LPP: variants seen among roughly 807,000 people sequenced by gnomAD.
The protein encoded by LPP is lipoma-preferred partner.
LPP carries 38 observed loss-of-function variants against 60.4 expected under a neutral mutation model. The ratio of observed to expected loss-of-function variants is 0.63; its 90% confidence interval spans 0.49 to 0.83. The LOEUF is 0.83. Among genes scored for constraint, LPP ranks in the 40% least tolerant of loss-of-function variants. The probability of loss-of-function intolerance (pLI) is 0.00; values close to 1 mark genes in which losing one functional copy is unlikely to be tolerated. For synonymous variants in LPP, 328 were observed against 290.8 expected, an observed-to-expected ratio of 1.13 and a Z score of -1.30; for missense variants, 902 against 783.6, an observed-to-expected ratio of 1.15 and a Z score of -1.80.
intron 9 of LPP, among the ~76,000 whole-genome samples, chr3:188,853,188 T>C (rs886658077): frequency 2.6e-5 from 4 of 152,032 alleles, no homozygotes; most frequent in African/African-American, 9.7e-5. Context: ...TCAGGCAGCA[T>C]CACTGCTATG....
intron 7 of LPP, among the ~76,000 whole-genome samples, chr3:188,652,589 G>A (rs1852317724): frequency 6.6e-6 from 1 of 152,132 alleles, no homozygotes; most frequent in Admixed American, 6.5e-5. Flanking sequence ...TCTAAATTCT[G>A]GGGAATATCT....
chr3:188,283,872 G>T (rs570210061), intron 2 of LPP, among the ~76,000 whole-genome samples: 1 of 152,064 alleles, frequency 6.6e-6, no homozygotes, highest in Non-Finnish European at 1.5e-5. Context: ...AGCTACTCAG[G>T]AGGCTGAGGC....
intron 2 of LPP, among the ~76,000 whole-genome samples, chr3:188,326,845 G>A (rs1330852300): frequency 6.6e-6 from 1 of 152,018 alleles, no homozygotes; most frequent in African/African-American, 2.4e-5. Context: ...AGTATTGTGA[G>A]GGCATTCTTT....
intron 4 of LPP, among the ~76,000 whole-genome samples, chr3:188,432,570 T>C (rs2149166586): frequency 6.9e-6 from 1 of 144,870 alleles, no homozygotes; most frequent in South Asian, 2.2e-4. Flanking sequence ...GCAAGAAGAA[T>C]TTTTTTTTTT....
chr3:188,326,220 G>A (rs926305721), intron 2 of LPP, among the ~76,000 whole-genome samples: 2 of 152,182 alleles, frequency 1.3e-5, no homozygotes, highest in Non-Finnish European at 2.9e-5. Flanking sequence ...TACGTTCTTT[G>A]TGCGCACGCT....
chr3:188,538,912 C>T lies in LPP; in HGVS notation c.429+14125C>T, dbSNP rs547999765. Among the ~76,000 whole-genome samples, 16 of 152,178 alleles carry T rather than the reference C, an allele frequency of 1.1e-4. No homozygotes were observed. In the East Asian group the frequency reaches 2.5e-3, roughly 24 times the overall value. Reference sequence around the variant, plus strand: ...TGAACCTGGGAAACATTATGCTATACGAAAGAAACCAGACAAAAGCGACCA... The same window carrying T: ...TGAACCTGGGAAACATTATGCTATATGAAAGAAACCAGACAAAAGCGACCA... On this transcript the variant is annotated intron_variant, in intron 6 of 11. Coordinates refer to ENST00000617246, the MANE Select transcript of LPP (RefSeq NM_001375462.1).
At chr3:188,268,495 C>T (rs188330209) in intron 2 of LPP, among the ~76,000 whole-genome samples, 4 of 152,350 alleles carry the variant, frequency 2.6e-5, no homozygotes, top group Admixed American at 2.0e-4. Flanking sequence ...GGTACAGAAA[C>T]AGCTGGACTG....
chr3:188,286,132 G>A (rs571717596), intron 2 of LPP, among the ~76,000 whole-genome samples: 187 of 152,156 alleles, frequency 1.2e-3, no homozygotes, highest in Non-Finnish European at 2.2e-3. Flanking sequence ...TTGTCACAAC[G>A]TGTCAGATTC....
intron 8 of LPP, among the ~76,000 whole-genome samples, chr3:188,753,598 T>C (rs1728843515): frequency 6.6e-6 from 1 of 151,670 alleles, no homozygotes. Flanking sequence ...TGTGTGTGTG[T>C]GTGTGTGTGT....
chr3:188,851,013 G>C (rs150257246), intron 9 of LPP, among the ~76,000 whole-genome samples: 2 of 152,290 alleles, frequency 1.3e-5, no homozygotes, highest in East Asian at 3.9e-4. Flanking sequence ...ACAGAAGTAG[G>C]GCCAATGGGG....
chr3:188,204,484 C>T (rs922535803), intron 1 of LPP, among the ~76,000 whole-genome samples: 1 of 152,140 alleles, frequency 6.6e-6, no homozygotes, highest in Non-Finnish European at 1.5e-5. Context: ...TGGACACATT[C>T]TAAGTAACTT....
At chr3:188,871,520 G>C (rs1253390058) in intron 10 of LPP, among the ~76,000 whole-genome samples, 1 of 152,146 alleles carries the variant, frequency 6.6e-6, no homozygotes, top group East Asian at 1.9e-4. Flanking sequence ...TATAATGTAT[G>C]TAGAAATGCT....
chr3:188,636,431 A>G (rs964310494), intron 7 of LPP, among the ~76,000 whole-genome samples: 1 of 152,156 alleles, frequency 6.6e-6, no homozygotes. Flanking sequence ...GCTGATTCCT[A>G]GCACAGCAGT....
At chr3:188,571,158 A>T (rs1833452124) in intron 6 of LPP, among the ~76,000 whole-genome samples, 9 of 152,090 alleles carry the variant, frequency 5.9e-5, no homozygotes, top group Admixed American at 5.9e-4. Context: ...ATTAAGTCTT[A>T]TTTCATGCTC....
chr3:188,703,526 A>C (rs898744513), intron 7 of LPP, among the ~76,000 whole-genome samples: 1 of 152,198 alleles, frequency 6.6e-6, no homozygotes, highest in African/African-American at 2.4e-5. Flanking sequence ...ACAGGTGTTA[A>C]GTATTCTGCA....
chr3:188,316,523 A>C (rs566702424), intron 2 of LPP, among the ~76,000 whole-genome samples: 1 of 152,332 alleles, frequency 6.6e-6, no homozygotes, highest in African/African-American at 2.4e-5. Flanking sequence ...AGCAGAGATC[A>C]CATGATGCCC....
intron 9 of LPP, among the ~76,000 whole-genome samples, chr3:188,766,631 C>T (rs1734249315): frequency 1.3e-5 from 2 of 152,106 alleles, no homozygotes; most frequent in Non-Finnish European, 2.9e-5. Flanking sequence ...ATTCCCAAGG[C>T]CGGCTATCTC....
intron 5 of LPP, among the ~76,000 whole-genome samples, chr3:188,485,664 G>T (rs574342745): frequency 3.3e-5 from 5 of 150,728 alleles, no homozygotes; most frequent in South Asian, 2.1e-4. Flanking sequence ...GGGCGTAGTG[G>T]CGGGCGCCTG....
intron 7 of LPP, among the ~76,000 whole-genome samples, chr3:188,621,762 T>C (rs1845846614): frequency 6.6e-6 from 1 of 152,046 alleles, no homozygotes; most frequent in Non-Finnish European, 1.5e-5. Flanking sequence ...TGGGTTCAAG[T>C]GATTCTCCTG....
Sources: allele counts gnomAD v4.1 joint callset (sites outside exome capture counted in the v4.1 genomes callset), GRCh38; gene constraint gnomAD v4.1.1; transcripts MANE v1.5; gene names NCBI Gene and HGNC (gene_info 2026-07-23, HGNC 2026-07-21).